PHF6: variants seen among roughly 807,000 people sequenced by gnomAD.
PHF6 encodes the protein PHD finger protein 6.
PHF6 carries 7 observed loss-of-function variants against 34.0 expected under a neutral mutation model. That is an observed-to-expected ratio of 0.21 (90% CI 0.12 to 0.39). The LOEUF (loss-of-function observed/expected upper bound fraction) is 0.39. Ranked by LOEUF, PHF6 falls within the 10% of genes least tolerant of loss-of-function variation. The probability of loss-of-function intolerance (pLI) is 1.00; values close to 1 mark genes in which losing one functional copy is unlikely to be tolerated. For missense variants in PHF6, 128 were observed against 262.8 expected (o/e 0.49, Z 3.55); for synonymous variants, 89 against 88.4 (o/e 1.01, Z -0.04).
intron 9 of PHF6, among the ~76,000 whole-genome samples, chrX:134,423,075 A>G (rs1293024747): frequency 8.9e-6 from 1 of 112,059 alleles, no homozygotes; most frequent in East Asian, 2.8e-4. Flanking sequence ...AAGTATATAT[A>G]TTAAAGCAAA....
intron 5 of PHF6, among the ~76,000 whole-genome samples, chrX:134,398,881 C>T (rs1252683162): frequency 9.0e-6 from 1 of 111,526 alleles, no homozygotes; most frequent in African/African-American, 3.3e-5. Flanking sequence ...GGTTCTTGTT[C>T]TCAGAATAGA....
intron 5 of PHF6, among the ~76,000 whole-genome samples, chrX:134,410,857 G>T (rs760810707): frequency 1.4e-4 from 15 of 108,139 alleles, no homozygotes; most frequent in Non-Finnish European, 2.7e-4. Context: ...CACCTTGTTG[G>T]CCAGGCTGGT....
intron 5 of PHF6, among the ~76,000 whole-genome samples, chrX:134,407,420 C>T (rs1419673742): frequency 1.8e-5 from 2 of 111,920 alleles, no homozygotes; most frequent in Non-Finnish European, 3.8e-5. Flanking sequence ...ACAGCAAAAC[C>T]ACTGAAAACT....
intron 9 of PHF6, among the ~76,000 whole-genome samples, chrX:134,424,633 G>T (rs761821234): frequency 8.9e-6 from 1 of 111,974 alleles, no homozygotes; most frequent in Admixed American, 9.5e-5. Context: ...AAAACAAGAA[G>T]TTGGAAGGAC....
At chrX:134,384,421 A>T (rs2077321103) in intron 3 of PHF6, among the ~76,000 whole-genome samples, 1 of 110,875 alleles carries the variant, frequency 9.0e-6, no homozygotes, top group African/African-American at 3.3e-5. Context: ...ACTGTGGAGA[A>T]TGAAGTATAA....
chrX:134,391,221 G>A (rs1282492388), intron 3 of PHF6, among the ~76,000 whole-genome samples: 4 of 110,854 alleles, frequency 3.6e-5, no homozygotes, highest in Non-Finnish European at 7.6e-5. Flanking sequence ...TGATGCGCCC[G>A]TCTCAGCCTC....
chrX:134,381,450 T>C (rs754480602), intron 3 of PHF6, among the ~76,000 whole-genome samples: 11 of 110,238 alleles, frequency 1.0e-4, no homozygotes, highest in Non-Finnish European at 1.9e-4. Context: ...TTAATGTAAC[T>C]AGATAAACTG....
intron 5 of PHF6, among the ~76,000 whole-genome samples, chrX:134,405,013 C>T (rs1256672993): frequency 4.5e-5 from 5 of 111,560 alleles, no homozygotes; most frequent in African/African-American, 1.6e-4. Context: ...ACCAAACCCA[C>T]GATATCTTGA....
rs1569334191 is a variant in PHF6 at position 134,377,607 on chromosome X, A to G, written c.-11A>G. On this transcript the variant is annotated 5_prime_UTR_variant, in exon 2 of 11. Transcript: ENST00000370803. ...GACTTAAAGTGGCATTCTAAAGGCA[A>G]TTTAAAAATCATGTCAAGCTCAGTT... 5 of 1,207,100 alleles carry G rather than the reference A, an allele frequency of 4.1e-6. No individual in the cohort carries two copies. Among genetic ancestry groups the G allele is most frequent in the Non-Finnish European group, 4.5e-6 (4 of 892,865 alleles).
At chrX:134,422,547 G>A (rs1181755733) in intron 9 of PHF6, among the ~76,000 whole-genome samples, 1 of 111,801 alleles carries the variant, frequency 8.9e-6, no homozygotes, top group Non-Finnish European at 1.9e-5. Context: ...GAATATTTCT[G>A]AATGAAGTGG....
intron 9 of PHF6, among the ~76,000 whole-genome samples, chrX:134,423,042 G>A (rs1433871882): frequency 8.9e-6 from 1 of 111,803 alleles, no homozygotes; most frequent in Non-Finnish European, 1.9e-5. Context: ...TTATTTTCCT[G>A]AAGTATATTG....
At chrX:134,386,470 G>C (rs2077332005) in intron 3 of PHF6, among the ~76,000 whole-genome samples, 1 of 105,615 alleles carries the variant, frequency 9.5e-6, no homozygotes, top group Non-Finnish European at 1.9e-5. Context: ...GAGTGCAGTT[G>C]TGTGATCTTG....
intron 9 of PHF6, among the ~76,000 whole-genome samples, chrX:134,422,531 A>G (rs1016048872): frequency 2.7e-5 from 3 of 111,924 alleles, no homozygotes; most frequent in East Asian, 5.6e-4. Context: ...GAGGAAATGC[A>G]GGGAGGAATA....
chrX:134,409,872 A>G (rs1276122882), intron 5 of PHF6, among the ~76,000 whole-genome samples: 5 of 110,314 alleles, frequency 4.5e-5, no homozygotes, highest in Non-Finnish European at 9.5e-5. Context: ...ATGAGAACCC[A>G]GTGTTTAGCT....
chrX:134,417,448 A>G, intron 9 of PHF6, 146 bp downstream of exon 9: 1 of 573,360 alleles, frequency 1.7e-6, no homozygotes, highest in Non-Finnish European at 2.8e-6. Flanking sequence ...TGAGTACTAC[A>G]ATTGGCATTT....
chrX:134,384,223 A>G (rs1159763084), intron 3 of PHF6, among the ~76,000 whole-genome samples: 4 of 111,525 alleles, frequency 3.6e-5, no homozygotes, highest in Non-Finnish European at 7.5e-5. Context: ...GGTTAAAAAA[A>G]TGGAATGAGT....
At chrX:134,424,094 A>G (rs938403889) in intron 9 of PHF6, among the ~76,000 whole-genome samples, 2 of 109,648 alleles carry the variant, frequency 1.8e-5, no homozygotes, top group Non-Finnish European at 3.8e-5. Flanking sequence ...CATGTACCCT[A>G]GAACTTAAAA....
At chrX:134,377,438 A>C (rs761699655) in intron 1 of PHF6, 134 bp from the exon 2 acceptor site, 2 of 429,128 alleles carry the variant, frequency 4.7e-6, no homozygotes, top group East Asian at 8.3e-5. Context: ...AGAGTGGCTT[A>C]ATTTGTCTAT....
At chrX:134,412,215 A>G (rs1359304992) in intron 5 of PHF6, among the ~76,000 whole-genome samples, 1 of 112,425 alleles carries the variant, frequency 8.9e-6, no homozygotes, top group Admixed American at 9.5e-5. Flanking sequence ...TTTGTTGCCT[A>G]TAAAACACTA....
Sources: allele counts gnomAD v4.1 joint callset (sites outside exome capture counted in the v4.1 genomes callset), GRCh38; gene constraint gnomAD v4.1.1; transcripts MANE v1.5; gene names NCBI Gene and HGNC (gene_info 2026-07-23, HGNC 2026-07-21).